The following PTPRK variants were observed in gnomAD, a reference collection of about 807,000 sequenced individuals.
PTPRK encodes the protein receptor-type tyrosine-protein phosphatase kappa.
A neutral mutation model predicts 178.0 loss-of-function variants in PTPRK; 75 were observed. The observed-to-expected ratio is 0.42, with a 90% CI of 0.35 to 0.51. PTPRK has a LOEUF of 0.51. Among genes scored for constraint, PTPRK ranks in the 20% least tolerant of loss-of-function variants. PTPRK has a pLI of 0.02. For synonymous variants in PTPRK, 637 were observed against 620.6 expected, an observed-to-expected ratio of 1.03 and a Z score of -0.39; for missense variants, 1,441 against 1,797.8, an observed-to-expected ratio of 0.80 and a Z score of 3.59.
chr6:128,186,097 TATG>T (rs1802722443), intron 6 of PTPRK, among the ~76,000 whole-genome samples: 1 of 152,172 alleles, frequency 6.6e-6, no homozygotes, highest in African/African-American at 2.4e-5. Context: ...TCAAAATTCA[TATG>T]ATAAATATTA....
rs541776028 is a variant in PTPRK at position 128,258,266 on chromosome 6, C to A, written c.496-15664G>T. ...TCCTTAAAATTTCTATAATAAAGAC[C>A]AAAATATAATGTTAAATCAAGCAAG... On this transcript the variant is annotated intron_variant, in intron 3 of 29. Transcript: ENST00000368226. Among the ~76,000 whole-genome samples the A allele has an allele frequency of 3.9e-3, 598 of 151,880 alleles. 4 individuals are homozygous for A. The highest frequency in any genetic ancestry group is 0.01 in the Middle Eastern group (3 of 292).
At chr6:128,126,657 A>G (rs142903363) in intron 7 of PTPRK, among the ~76,000 whole-genome samples, 15 of 152,124 alleles carry the variant, frequency 9.9e-5, no homozygotes, top group Admixed American at 2.0e-4. Flanking sequence ...TGGATAATTA[A>G]ATAAAAAAAT....
At chr6:128,387,362 C>T (rs1293854796) in intron 2 of PTPRK, among the ~76,000 whole-genome samples, 1 of 152,146 alleles carries the variant, frequency 6.6e-6, no homozygotes, top group Non-Finnish European at 1.5e-5. Flanking sequence ...AAATGATACT[C>T]ATATTATGAT....
intron 7 of PTPRK, among the ~76,000 whole-genome samples, chr6:128,128,268 G>A (rs1415070227): frequency 6.6e-6 from 1 of 152,150 alleles, no homozygotes; most frequent in African/African-American, 2.4e-5. Flanking sequence ...AAAATCTGTA[G>A]TTTGCATAGC....
Position 128,124,822 on chromosome 6 carries a change from C to T in PTPRK, c.1163-34830G>A, listed in dbSNP as rs547220816. On this transcript the variant is annotated intron_variant, in intron 7 of 29. Coordinates refer to ENST00000368226, the MANE Select transcript of PTPRK (RefSeq NM_002844.4). ...AAAAAAGAAATTCTCCAGCAGACTG[C>T]CTTCAGATTTTATCTGCAACATTTG... Among the ~76,000 whole-genome samples the T allele has an allele frequency of 4.6e-4, 70 of 152,318 alleles. 1 individual carries two copies. The highest frequency in any genetic ancestry group is 7.9e-4 in the Non-Finnish European group (54 of 68,034).
chr6:128,513,269 C>A (rs1447930542), intron 1 of PTPRK, among the ~76,000 whole-genome samples: 1 of 151,866 alleles, frequency 6.6e-6, no homozygotes, highest in Admixed American at 6.6e-5. Flanking sequence ...AATATCACTT[C>A]AGCTCAGGAG....
chr6:128,194,035 AATG>A (rs1370116557), intron 6 of PTPRK, among the ~76,000 whole-genome samples: 9 of 148,278 alleles, frequency 6.1e-5, no homozygotes, highest in Non-Finnish European at 1.3e-4. Flanking sequence ...ATTGGTTTAG[AATG>A]ATAAATCGCA....
At chr6:128,095,668 T>C (rs1232019003) in intron 7 of PTPRK, among the ~76,000 whole-genome samples, 1 of 152,160 alleles carries the variant, frequency 6.6e-6, no homozygotes, top group African/African-American at 2.4e-5. Flanking sequence ...TCCTGTGTGT[T>C]TTCATATACT....
At chr6:128,507,349 C>T (rs747630000) in intron 1 of PTPRK, among the ~76,000 whole-genome samples, 12 of 152,116 alleles carry the variant, frequency 7.9e-5, no homozygotes, top group Non-Finnish European at 2.9e-5. Flanking sequence ...TTGCTTTTCT[C>T]TCCTTAATTC....
intron 1 of PTPRK, among the ~76,000 whole-genome samples, chr6:128,464,674 T>TATATATATACAA (rs1407701569): frequency 9.6e-5 from 12 of 124,768 alleles, no homozygotes; most frequent in African/African-American, 3.4e-4. Flanking sequence ...TATATATATA[T>TATATATATACAA]ACAACAGATG....
chr6:128,298,652 G>T (rs200743300), intron 3 of PTPRK, among the ~76,000 whole-genome samples: 36 of 152,062 alleles, frequency 2.4e-4, no homozygotes, highest in African/African-American at 3.1e-4. Context: ...AGAAAAGGCC[G>T]TTGACAAAAT....
In PTPRK at chr6:127,970,227, C is replaced by T; in HGVS notation, c.4323G>A (p.Ter1441=). Residue 1441 remains the stop codon, a stop_retained_variant, in exon 30 of 30, where the codon TAG becomes TAA. Coordinates refer to ENST00000368226, the MANE Select transcript of PTPRK (RefSeq NM_002844.4). ...DVALEYLESS[*] ...ATGCACTTTAAAGAGTCTCACCCAACTAAGATGATTCCAGGTACTCCAAAG... is the reference window on the plus strand; with the variant it reads ...ATGCACTTTAAAGAGTCTCACCCAATTAAGATGATTCCAGGTACTCCAAAG... 1 of 1,607,430 alleles carries T rather than the reference C, an allele frequency of 6.2e-7. No individual in the cohort carries two copies.
Position 127,997,412 on chromosome 6 carries a change from T to C in PTPRK, c.2680-424A>G, listed in dbSNP as rs564223642. 2.6e-5 allele frequency among the ~76,000 whole-genome samples: 4 copies of C among 152,208 alleles called. No individual in the cohort carries two copies. The South Asian group carries it at 8.3e-4, about 32-fold the overall frequency. On this transcript the variant is annotated intron_variant, in intron 16 of 29. Coordinates refer to ENST00000368226, the MANE Select transcript of PTPRK (RefSeq NM_002844.4). ...AAAGAAAACCTGCTTCCCTCCATAA[T>C]TATTCATTAAATTGTGTGCAATACA...
At chr6:128,452,501 T>C (rs1275677238) in intron 1 of PTPRK, among the ~76,000 whole-genome samples, 7 of 152,048 alleles carry the variant, frequency 4.6e-5, no homozygotes, top group Non-Finnish European at 1.5e-5. Flanking sequence ...CTGGGGAAAA[T>C]AATCCAAGCT....
intron 13 of PTPRK, among the ~76,000 whole-genome samples, chr6:128,022,240 A>G (rs1176928540): frequency 6.6e-6 from 1 of 152,158 alleles, no homozygotes; most frequent in Non-Finnish European, 1.5e-5. Flanking sequence ...TGGATCTCTC[A>G]TACTCCTTTC....
intron 7 of PTPRK, among the ~76,000 whole-genome samples, chr6:128,126,960 A>AT (rs34224724): frequency 0.085 from 12,434 of 145,878 alleles, 1,082 homozygotes; most frequent in East Asian, 0.41. Context: ...TGGTACTTTC[A>AT]TTTTTTTTTT....
intron 3 of PTPRK, among the ~76,000 whole-genome samples, chr6:128,310,442 A>C (rs954814129): frequency 2.0e-5 from 3 of 152,176 alleles, no homozygotes; most frequent in South Asian, 4.1e-4. Context: ...TTTTTCCAAA[A>C]AAACAAACAA....
At chr6:128,319,640 C>A (rs953641616) in intron 3 of PTPRK, among the ~76,000 whole-genome samples, 11 of 152,104 alleles carry the variant, frequency 7.2e-5, no homozygotes, top group Non-Finnish European at 1.0e-4. Context: ...GACATCAGCA[C>A]CTAAAACACC....
intron 22 of PTPRK, among the ~76,000 whole-genome samples, chr6:127,984,007 T>C (rs1775651702): frequency 6.6e-6 from 1 of 152,134 alleles, no homozygotes; most frequent in Non-Finnish European, 1.5e-5. Context: ...AATTATTAGG[T>C]GTAGAATATG....
Sources: allele counts gnomAD v4.1 joint callset (sites outside exome capture counted in the v4.1 genomes callset), GRCh38; gene constraint gnomAD v4.1.1; transcripts MANE v1.5; gene names NCBI Gene and HGNC (gene_info 2026-07-23, HGNC 2026-07-21).